Variants in FAM13A observed in about 807,000 individuals in gnomAD.
FAM13A encodes the protein family with sequence similarity 13 member A, also known as protein FAM13A.
A neutral mutation model predicts 129.6 loss-of-function variants in FAM13A; 76 were observed. The observed-to-expected ratio is 0.59, with a 90% confidence interval of 0.49 to 0.71. The LOEUF (loss-of-function observed/expected upper bound fraction) is 0.71, where lower values mean the gene tolerates loss of function less well. FAM13A is among the 30% of genes least tolerant of loss of function. The probability of loss-of-function intolerance (pLI) is 0.00; values close to 1 mark genes in which losing one functional copy is unlikely to be tolerated. For synonymous variants in FAM13A, 443 were observed against 449.9 expected (o/e 0.98, Z 0.20); for missense variants, 1,108 against 1,249.3 (o/e 0.89, Z 1.70).
At chr4:88,741,125 T>G (rs1740158369) in intron 19 of FAM13A, among the ~76,000 whole-genome samples, 1 of 152,234 alleles carries the variant, frequency 6.6e-6, no homozygotes, top group African/African-American at 2.4e-5. Context: ...AAAGCTGAAC[T>G]TATGATCCAT....
intron 8 of FAM13A, among the ~76,000 whole-genome samples, chr4:88,800,451 G>A (rs1440306328): frequency 2.0e-5 from 3 of 152,080 alleles, no homozygotes; most frequent in Non-Finnish European, 4.4e-5. Context: ...TTGGGAGGCC[G>A]AGGTGGGCAG....
intron 3 of FAM13A, among the ~76,000 whole-genome samples, chr4:89,013,865 G>A (rs893290353): frequency 6.6e-6 from 1 of 152,214 alleles, no homozygotes; most frequent in African/African-American, 2.4e-5. Flanking sequence ...CAGAGCCACT[G>A]TCTATGTAGA....
At chr4:88,919,698 A>C (rs1014993402) in intron 5 of FAM13A, among the ~76,000 whole-genome samples, 6 of 152,208 alleles carry the variant, frequency 3.9e-5, no homozygotes, top group Non-Finnish European at 7.3e-5. Flanking sequence ...CAGTGGGCGC[A>C]GGACAGTGGG....
intron 6 of FAM13A, among the ~76,000 whole-genome samples, chr4:88,857,628 CA>C (rs1177788248): frequency 0.032 from 1,892 of 58,562 alleles, 12 homozygotes; most frequent in African/African-American, 0.089. Flanking sequence ...GATTCTGCCT[CA>C]AAAAAAAAAA....
chr4:88,823,433 T>C, intron 7 of FAM13A: 1 of 652,170 alleles, frequency 1.5e-6, no homozygotes. Context: ...CTTGCCTAGT[T>C]CTGGTAACTT....
intron 1 of FAM13A, among the ~76,000 whole-genome samples, chr4:89,052,390 T>C (rs557690286): frequency 6.6e-6 from 1 of 151,568 alleles, no homozygotes; most frequent in Admixed American, 6.6e-5. Flanking sequence ...ACATGTGTCA[T>C]GCTGGTGTGC....
intron 7 of FAM13A, among the ~76,000 whole-genome samples, chr4:88,806,015 C>G (rs192565471): frequency 6.6e-6 from 1 of 152,088 alleles, no homozygotes; most frequent in East Asian, 1.9e-4. Flanking sequence ...ATTTTCTTTT[C>G]CTTTCTTTAG....
At chr4:88,961,602 T>C (rs1306047229) in intron 4 of FAM13A, among the ~76,000 whole-genome samples, 2 of 151,932 alleles carry the variant, frequency 1.3e-5, no homozygotes, top group Non-Finnish European at 2.9e-5. Flanking sequence ...CTCCTGACCT[T>C]GTGATCTGCC....
At chr4:88,843,669 G>A (rs1736195811) in intron 7 of FAM13A, among the ~76,000 whole-genome samples, 1 of 152,224 alleles carries the variant, frequency 6.6e-6, no homozygotes, top group African/African-American at 2.4e-5. Flanking sequence ...TAATATTGCT[G>A]AAAGTCTGAT....
chr4:88,983,635 G>C (rs534797159), intron 4 of FAM13A, among the ~76,000 whole-genome samples: 7 of 152,178 alleles, frequency 4.6e-5, no homozygotes, highest in African/African-American at 1.4e-4. Context: ...AAACAGTATT[G>C]AAACAAATTA....
intron 6 of FAM13A, among the ~76,000 whole-genome samples, chr4:88,874,711 C>A (rs1347180087): frequency 7.9e-5 from 12 of 152,136 alleles, no homozygotes; most frequent in Non-Finnish European, 1.8e-4. Context: ...AATGGCCATA[C>A]CGCCCAAGGT....
intron 6 of FAM13A, among the ~76,000 whole-genome samples, chr4:88,871,646 T>C (rs1741414432): frequency 6.6e-6 from 1 of 152,054 alleles, no homozygotes; most frequent in African/African-American, 2.4e-5. Flanking sequence ...TGAGACTATG[T>C]GAAAAGACCA....
At chr4:89,016,728 AGGCTCAAGTG>A (rs1560812121) in intron 3 of FAM13A, among the ~76,000 whole-genome samples, 1 of 152,048 alleles carries the variant, frequency 6.6e-6, no homozygotes, top group Non-Finnish European at 1.5e-5. Context: ...TTGACTTTCT[AGGCTCAAGTG>A]ATCCTCCCTC....
At chr4:88,929,080 T>C (rs1422750448) in intron 5 of FAM13A, among the ~76,000 whole-genome samples, 1 of 152,166 alleles carries the variant, frequency 6.6e-6, no homozygotes, top group Non-Finnish European at 1.5e-5. Flanking sequence ...GCCAGTCTAG[T>C]GGTGACAGAT....
At chr4:88,812,442 T>C (rs1411786947) in intron 7 of FAM13A, among the ~76,000 whole-genome samples, 1 of 152,186 alleles carries the variant, frequency 6.6e-6, no homozygotes, top group Non-Finnish European at 1.5e-5. Context: ...ATCTGGCACA[T>C]GAAGTCCCTC....
intron 2 of FAM13A, among the ~76,000 whole-genome samples, chr4:89,024,550 T>C (rs575102331): frequency 3.9e-5 from 6 of 152,288 alleles, no homozygotes; most frequent in Non-Finnish European, 7.4e-5. Flanking sequence ...ATAACCAAAA[T>C]AGCAACCTAT....
At chr4:88,890,735 T>A (rs1036961735) in intron 6 of FAM13A, among the ~76,000 whole-genome samples, 4 of 152,096 alleles carry the variant, frequency 2.6e-5, no homozygotes, top group African/African-American at 9.7e-5. Context: ...GAAAGTATAA[T>A]TAAAATAGAC....
intron 12 of FAM13A, among the ~76,000 whole-genome samples, 188 bp downstream of exon 12, chr4:88,767,795 G>T (rs999460909): frequency 6.6e-6 from 1 of 152,074 alleles, no homozygotes; most frequent in African/African-American, 2.4e-5. Flanking sequence ...CATGACTATA[G>T]TTATTTGCCT....
At position 88,843,098 on chromosome 4, in the gene FAM13A, C is replaced by A. The variant is rs536697640; in HGVS notation, c.1007+7922G>T. Among the ~76,000 whole-genome samples, 5 of 152,288 alleles carry A rather than the reference C, an allele frequency of 3.3e-5. No homozygotes were observed. The South Asian group carries it at 1.0e-3, about 32-fold the overall frequency. ...GGTCAAGAATAAATTACAAAATGGTCTGCATGCAAAGATAGAGTTAGATAT... is the reference window on the plus strand; with the variant it reads ...GGTCAAGAATAAATTACAAAATGGTATGCATGCAAAGATAGAGTTAGATAT... On this transcript the variant is annotated intron_variant, in intron 7 of 23. Transcript: ENST00000264344.
Sources: allele counts gnomAD v4.1 joint callset (sites outside exome capture counted in the v4.1 genomes callset), GRCh38; gene constraint gnomAD v4.1.1; transcripts MANE v1.5; gene names NCBI Gene and HGNC (gene_info 2026-07-23, HGNC 2026-07-21).